Variants in MACF1 observed in about 807,000 individuals in gnomAD.
MACF1 encodes microtubule-actin cross-linking factor 1.
MACF1 carries 193 observed loss-of-function variants against 854.8 expected under a neutral mutation model. The observed-to-expected ratio is 0.23, with a 90% CI of 0.20 to 0.25. The LOEUF is 0.25. MACF1 is among the 10% of genes least tolerant of loss of function. The pLI, the probability that MACF1 is intolerant of heterozygous loss-of-function variation, is 1.00. For missense variants in MACF1, 7,722 were observed against 8,929.1 expected (o/e 0.86, Z 5.45); for synonymous variants, 3,185 against 3,226.7 (o/e 0.99, Z 0.44).
At chr1:39,326,272 C>T (rs182084186) in intron 35 of MACF1, among the ~76,000 whole-genome samples, 3 of 152,100 alleles carry the variant, frequency 2.0e-5, no homozygotes, top group South Asian at 4.2e-4. Context: ...AAGAAAGTTG[C>T]GGGATTCATC....
At chr1:39,384,446 C>G (rs539698807) in intron 56 of MACF1, among the ~76,000 whole-genome samples, 1 of 152,174 alleles carries the variant, frequency 6.6e-6, no homozygotes, top group Admixed American at 6.5e-5. Context: ...TTACTGTCCT[C>G]ATTTTACAGA....
intron 50 of MACF1, among the ~76,000 whole-genome samples, chr1:39,368,929 T>C (rs1203153448): frequency 2.0e-5 from 3 of 151,794 alleles, no homozygotes; most frequent in African/African-American, 7.3e-5. Context: ...TACAGAATAA[T>C]TTTGAAAGAA....
At position 39,437,824 on chromosome 1, in the gene MACF1, C is replaced by T; in HGVS notation, c.18036C>T (p.Ser6012=). The T allele has an allele frequency of 1.2e-6, 2 of 1,614,064 alleles. No homozygotes were observed. The highest frequency in any genetic ancestry group is 1.7e-6 in the Non-Finnish European group (2 of 1,179,994). ...TGTTGGAGACACTGGAGAATCTTTCCTCTCGCCTGCGTATGCCACCACTGA... is the reference window on the plus strand; with the variant it reads ...TGTTGGAGACACTGGAGAATCTTTCTTCTCGCCTGCGTATGCCACCACTGA... The part of the protein sequence containing the change: ...EPMLETLENL[S]SRLRMPPLIP... The change falls in exon 71 of 101, where the codon TCC becomes TCT. Residue 6012 remains serine (S), a synonymous_variant. Transcript: ENST00000564288.
chr1:39,295,745 G>T, intron 19 of MACF1, 42 bp from the exon 20 acceptor site: 1 of 1,446,628 alleles, frequency 6.9e-7, no homozygotes, highest in Non-Finnish European at 9.6e-7. Flanking sequence ...TATTGAGTCT[G>T]TTAAACTCAA....
At chr1:39,472,361 A>G (rs928231932) in intron 97 of MACF1, among the ~76,000 whole-genome samples, 4 of 152,240 alleles carry the variant, frequency 2.6e-5, no homozygotes, top group Non-Finnish European at 5.9e-5. Flanking sequence ...TTTACTTTTT[A>G]CTTGTGGGAT....
At chr1:39,153,816 G>A (rs2148199281) in intron 2 of MACF1, among the ~76,000 whole-genome samples, 1 of 152,276 alleles carries the variant, frequency 6.6e-6, no homozygotes, top group South Asian at 2.1e-4. Context: ...CTCATTTTCT[G>A]TCCAGCAGAC....
At chr1:39,318,412 G>A in intron 29 of MACF1, 41 bp from the exon 30 acceptor site, 1 of 1,576,526 alleles carries the variant, frequency 6.3e-7, no homozygotes, top group Non-Finnish European at 8.7e-7. Context: ...TATTGTATTT[G>A]TACCAAGGTA....
chr1:39,295,243 G>A, intron 19 of MACF1, 93 bp downstream of exon 19: 1 of 1,029,818 alleles, frequency 9.7e-7, no homozygotes, highest in Non-Finnish European at 1.5e-6. Context: ...TGAAAGACTT[G>A]GAGGAAGTGT....
intron 24 of MACF1, among the ~76,000 whole-genome samples, 182 bp downstream of exon 24, chr1:39,309,878 GGAAATTCCTAATTA>G (rs1258947030): frequency 6.6e-6 from 1 of 152,192 alleles, no homozygotes; most frequent in Non-Finnish European, 1.5e-5. Context: ...GAATGGTAAA[GGAAATTCCTAATTA>G]GAATAAGTAA....
At chr1:39,464,869 G>A (rs543570379) in intron 94 of MACF1, 11 of 475,720 alleles carry the variant, frequency 2.3e-5, no homozygotes, top group Middle Eastern at 1.2e-3. Flanking sequence ...AGCCATGATC[G>A]CGCCACTGCA....
At chr1:39,470,728 G>A (rs1011986008) in intron 97 of MACF1, among the ~76,000 whole-genome samples, 1 of 152,172 alleles carries the variant, frequency 6.6e-6, no homozygotes, top group African/African-American at 2.4e-5. Flanking sequence ...TTGCTTTAAT[G>A]AGAAACAATA....
chr1:39,440,637 T>A (rs1214191651), intron 72 of MACF1, among the ~76,000 whole-genome samples: 1 of 152,192 alleles, frequency 6.6e-6, no homozygotes, highest in African/African-American at 2.4e-5. Context: ...TGTTATACTC[T>A]ATTGTCAGCA....
chr1:39,315,491 A>G (rs1044146436), intron 26 of MACF1, 22 bp from the exon 27 acceptor site: 4 of 1,612,352 alleles, frequency 2.5e-6, no homozygotes, highest in Non-Finnish European at 8.5e-7. Context: ...CTCCCTCTTT[A>G]TGTGTGTCTT....
intron 55 of MACF1, among the ~76,000 whole-genome samples, chr1:39,381,409 C>T (rs553881694): frequency 6.8e-6 from 1 of 147,990 alleles, no homozygotes; most frequent in African/African-American, 2.5e-5. Flanking sequence ...GCTCTGTCAC[C>T]CAGGCTGGAG....
At chr1:39,481,104 T>TC in intron 99 of MACF1, 74 bp downstream of exon 99, 1 of 851,098 alleles carries the variant, frequency 1.2e-6, no homozygotes, top group Non-Finnish European at 1.9e-6. Context: ...CAGCTCTTCT[T>TC]CCTGACACGA....
chr1:39,420,990 C>T (rs1403013143), intron 58 of MACF1, among the ~76,000 whole-genome samples: 1 of 151,850 alleles, frequency 6.6e-6, no homozygotes, highest in Non-Finnish European at 1.5e-5. Context: ...CTCAGCCTCC[C>T]GAGTAGCTGG....
rs1202770130 is a variant in MACF1 at position 39,477,068 on chromosome 1, TATATATATATATATATATATATACACAC to T, written c.21959-2728_21959-2701del. 1.6e-3 allele frequency among the ~76,000 whole-genome samples: 31 copies of T among 19,510 alleles called. 1 individual carries two copies. The highest frequency in any genetic ancestry group is 4.1e-3 in the African/African-American group (18 of 4,380). 12.8% of individuals were successfully genotyped at this position (19,510 alleles called of 152,430 possible). The stretch of plus-strand genomic sequence containing the variant: ...GTGTATATATATATATATATATATA[TATATATATATATATATATATATACACAC>T]ACACACATATATACACTTAGTGTAT... On this transcript the variant is annotated intron_variant, in intron 97 of 100. Transcript: ENST00000564288.
chr1:39,464,250 A>G (rs933531934), intron 94 of MACF1: 8 of 153,396 alleles, frequency 5.2e-5, no homozygotes, highest in African/African-American at 1.9e-4. Context: ...GGGACATAGA[A>G]GGATCTGAAA....
chr1:39,105,784 G>C lies in MACF1; in HGVS notation c.220+21346G>C, dbSNP rs1250273953. 2.0e-6 allele frequency: 2 copies of C among 1,014,640 alleles called. No homozygotes were observed. The highest frequency in any genetic ancestry group is 1.1e-4 in the East Asian group (1 of 9,252). 62.9% of individuals were successfully genotyped at this position (1,014,640 alleles called of 1,614,324 possible). ...CGCAGCGTGGCCTTCGGAGCCGGTC[G>C]GCTCGGCGGCTGCAGGTGGGGCGGC... On this transcript the variant is annotated intron_variant, in intron 2 of 93. Coordinates refer to the MACF1 transcript ENST00000361689. The surrounding 1 kb of genome is among the most constrained non-coding windows in gnomAD (Gnocchi z 5.9).
Sources: gnomAD v4.1 joint callset for allele counts (sites outside exome capture counted in the v4.1 genomes callset) on GRCh38, gnomAD v4.1.1 for gene constraint, Gnocchi (gnomAD v3.1) non-coding constraint, MANE v1.5 for transcripts, NCBI Gene and HGNC (gene_info 2026-07-23, HGNC 2026-07-21) for gene names.